The following NFATC2IP variants were observed in gnomAD, a reference collection of about 807,000 sequenced individuals.
The protein encoded by NFATC2IP is NFATC2-interacting protein.
NFATC2IP carries 25 observed loss-of-function variants against 40.2 expected under a neutral mutation model. The observed-to-expected ratio is 0.62, with a 90% CI of 0.45 to 0.87. The LOEUF (loss-of-function observed/expected upper bound fraction) is 0.87. Ranked by LOEUF, NFATC2IP falls within the 40% of genes least tolerant of loss-of-function variation. NFATC2IP has a pLI of 0.00. For missense variants in NFATC2IP, 553 were observed against 555.6 expected, an observed-to-expected ratio of 1.00 and a Z score of 0.05; for synonymous variants, 241 against 236.3, an observed-to-expected ratio of 1.02 and a Z score of -0.18.
chr16:28,959,473 C>T (rs895557689), intron 7 of NFATC2IP, among the ~76,000 whole-genome samples: 28 of 151,948 alleles, frequency 1.8e-4, no homozygotes, highest in African/African-American at 6.8e-4. Flanking sequence ...TTTAATTTCA[C>T]AACAATCTGA....
At chr16:28,963,308 A>G (rs1165849459) in intron 7 of NFATC2IP, among the ~76,000 whole-genome samples, 1 of 152,178 alleles carries the variant, frequency 6.6e-6, no homozygotes, top group African/African-American at 2.4e-5. Context: ...CACATATCTA[A>G]TAGGTGGGAG....
In NFATC2IP at chr16:28,952,118, C is replaced by G; in HGVS notation, c.388-14C>G. 6.2e-7 allele frequency: 1 copy of G among 1,613,864 alleles called. No individual in the cohort carries two copies. ...GACTTGGGCCTGACCCCTCTCCCTTCTTTGTCTTTGCAGGTTAAAAGCAGC... is the reference window on the plus strand; with the variant it reads ...GACTTGGGCCTGACCCCTCTCCCTTGTTTGTCTTTGCAGGTTAAAAGCAGC... On this transcript the variant is annotated splice_polypyrimidine_tract_variant and intron_variant, in intron 1 of 7. Transcript: ENST00000320805.
chr16:28,954,652 A>G lies in NFATC2IP; in HGVS notation c.548A>G (p.Asp183Gly). 6.2e-7 allele frequency: 1 copy of G among 1,613,730 alleles called. No homozygotes were observed. Among genetic ancestry groups the G allele is most frequent in the Non-Finnish European group, 8.5e-7 (1 of 1,179,684 alleles). The stretch of plus-strand genomic sequence containing the variant: ...TGGAAGACAAAGCTGAGGACTAAGG[A>G]TAAAGAAGAGAAGAAAAAGACAGAG... ...SPWKTKLRTK[D>G]KEEKKKTEFL... The change falls in exon 3 of 8, where the codon GAT (aspartate) becomes GGT (glycine). Residue 183 changes from aspartate to glycine, a missense_variant. Asp to Gly is a moderately conservative substitution (Grantham distance 94). Coordinates refer to ENST00000320805, the MANE Select transcript of NFATC2IP (RefSeq NM_032815.4).
rs1964962115 is a variant in NFATC2IP, at chr16:28,951,196, C to T, written c.185C>T (p.Ala62Val). 6.5e-7 allele frequency: 1 copy of T among 1,538,838 alleles called. No individual in the cohort carries two copies. Among genetic ancestry groups the T allele is most frequent in the Non-Finnish European group, 8.8e-7 (1 of 1,140,454 alleles). ...AGCGATGAGGAAATTCTGGAGGTCG[C>T]CACCGCTCGCGGTGCCGCGGACGAG... ...TDSDEEILEV[A>V]TARGAADEVE... is the part of the protein sequence containing the mutation. Residue 62 changes from alanine to valine, a missense_variant, in exon 1 of 8, where the codon GCC becomes GTC. Coordinates refer to ENST00000320805, the MANE Select transcript of NFATC2IP (RefSeq NM_032815.4).
rs1277783785 is a variant in NFATC2IP at position 28,965,710 on chromosome 16, G to GA, written c.*1853dup. The GA allele has an allele frequency of 7.2e-5, 11 of 151,776 alleles. No homozygotes were observed. Among genetic ancestry groups the GA allele is most frequent in the African/African-American group, 1.2e-4 (5 of 41,294 alleles). The allele number at this position is 151,776 out of a possible 1,614,324, so 9.4% of individuals were successfully genotyped here. A position where few individuals can be genotyped will look rare whatever the true frequency, so the allele number is the denominator to read the frequency against. On this transcript the variant is annotated 3_prime_UTR_variant, in exon 8 of 8. Coordinates refer to ENST00000320805, the MANE Select transcript of NFATC2IP (RefSeq NM_032815.4). ...CCACTCAAAAAAAAGATTTAAAGGG[G>GA]AAAAAATTGAAATTTTCTTTGTATC...
rs146797833 is a variant in NFATC2IP at position 28,960,537 on chromosome 16, C to CCT, written c.1101+1452_1101+1453dup. ...GTATGGTCCATTCTGGGACAAAATT[C>CCT]CTCTCTCTCTCTCTCTGCGGACCCG... is the stretch of plus-strand genomic sequence containing the variant. On this transcript the variant is annotated intron_variant, in intron 7 of 7. Transcript: ENST00000320805. 6.7e-4 allele frequency among the ~76,000 whole-genome samples: 100 copies of CCT among 150,268 alleles called. No homozygotes were observed. The East Asian group carries it at 7.0e-3, about 11-fold the overall frequency.
At chr16:28,960,541 T>C (rs1349487652) in intron 7 of NFATC2IP, among the ~76,000 whole-genome samples, 2 of 152,018 alleles carry the variant, frequency 1.3e-5, no homozygotes, top group East Asian at 3.9e-4. Context: ...AAAATTCCTC[T>C]CTCTCTCTCT....
rs1185764401 is a variant in NFATC2IP, at chr16:28,951,249, G to C, written c.238G>C (p.Gly80Arg). 1 of 1,495,098 alleles carries C rather than the reference G, an allele frequency of 6.7e-7. No individual in the cohort carries two copies. Among genetic ancestry groups the C allele is most frequent in the African/African-American group, 1.4e-5 (1 of 70,016 alleles). The allele number at this position is 1,495,098 out of a possible 1,614,324, so 92.6% of individuals were successfully genotyped here. ...TGAGGTGGAGCCCCCGGAGCCCCCG[G>C]GGCCGGTCGCGTCCCGGGATAACAG... Reference protein sequence around the residue: ...EVEVEPPEPPGPVASRDNSNS... With the variant: ...EVEVEPPEPPRPVASRDNSNS... Residue 80 changes from glycine (G) to arginine (R), a missense_variant, in exon 1 of 8, where the codon GGG becomes CGG. Transcript: ENST00000320805.
At chr16:28,957,920 G>T (rs1449029945) in intron 5 of NFATC2IP, 1 of 152,050 alleles carries the variant, frequency 6.6e-6, no homozygotes, top group Non-Finnish European at 1.5e-5. Context: ...ATCACCTGAG[G>T]TCAGGAGTTC....
rs1016721509 is a variant in NFATC2IP at position 28,966,052 on chromosome 16, C to T, written c.*2189C>T. 4 of 143,666 alleles carry T rather than the reference C, an allele frequency of 2.8e-5. No homozygotes were observed. The highest frequency in any genetic ancestry group is 1.0e-4 in the African/African-American group (4 of 39,036). 8.9% of individuals were successfully genotyped at this position (143,666 alleles called of 1,614,324 possible). ...CCTGAGTGACAGAGAGACTTTGTCT[C>T]AAAAAAAAAAGAAAATTTTAATTTT... On this transcript the variant is annotated 3_prime_UTR_variant, in exon 8 of 8. Transcript: ENST00000320805.
intron 5 of NFATC2IP, chr16:28,958,415 T>C (rs1350386791): frequency 2.4e-5 from 7 of 288,720 alleles, no homozygotes; most frequent in African/African-American, 1.5e-4. Context: ...TCCCACACAG[T>C]GCCAATCAGC....
intron 7 of NFATC2IP, among the ~76,000 whole-genome samples, chr16:28,959,550 A>T (rs1965060341): frequency 6.6e-6 from 1 of 151,188 alleles, no homozygotes; most frequent in East Asian, 2.0e-4. Flanking sequence ...AGAGAGGTGG[A>T]ATAAGCAACT....
intron 7 of NFATC2IP, among the ~76,000 whole-genome samples, chr16:28,962,254 CACTT>C (rs556912600): frequency 1.3e-5 from 2 of 152,114 alleles, no homozygotes; most frequent in Non-Finnish European, 2.9e-5. Context: ...CTCAGGGAGA[CACTT>C]ACTTTCATTT....
At chr16:28,956,665 C>T in intron 5 of NFATC2IP, 2 of 251,518 alleles carry the variant, frequency 8.0e-6, no homozygotes, top group South Asian at 1.4e-4. Flanking sequence ...GTGATCGTCC[C>T]TCATTGACCT....
At position 28,951,165 on chromosome 16, in the gene NFATC2IP, A is replaced by G. The variant is rs1411097747; in HGVS notation, c.154A>G (p.Thr52Ala). 2 of 1,543,696 alleles carry G rather than the reference A, an allele frequency of 1.3e-6. No individual in the cohort carries two copies. The highest frequency in any genetic ancestry group is 1.7e-6 in the Non-Finnish European group (2 of 1,143,220). ...TLDVVSVDLV[T>A]DSDEEILEVA... is the part of the protein sequence containing the mutation. ...GGACGTAGTGTCTGTGGACTTGGTC[A>G]CCGACAGCGATGAGGAAATTCTGGA... Residue 52 changes from threonine to alanine, a missense_variant, in exon 1 of 8, where the codon ACC becomes GCC. Physicochemically the swap from Thr to Ala is moderately conservative, Grantham distance 58 (BLOSUM62 0). Coordinates refer to ENST00000320805, the MANE Select transcript of NFATC2IP (RefSeq NM_032815.4).
rs540892366 is a variant in NFATC2IP, at chr16:28,965,866, C to G, written c.*2003C>G. 3.3e-5 allele frequency: 5 copies of G among 151,902 alleles called. No homozygotes were observed. The East Asian group carries it at 9.7e-4, about 29-fold the overall frequency. 9.4% of individuals were successfully genotyped at this position (151,902 alleles called of 1,614,324 possible). A position where few individuals can be genotyped will look rare whatever the true frequency, so the allele number is the denominator to read the frequency against. ...GGCCAGGAGTTCAAGACCACCCTGACCAACTTGGTGAAATCCCATCTCTAC... is the reference window on the plus strand; with the variant it reads ...GGCCAGGAGTTCAAGACCACCCTGAGCAACTTGGTGAAATCCCATCTCTAC... On this transcript the variant is annotated 3_prime_UTR_variant, in exon 8 of 8. Transcript: ENST00000320805.
chr16:28,961,587 C>G (rs1435469126), intron 7 of NFATC2IP, among the ~76,000 whole-genome samples: 1 of 151,730 alleles, frequency 6.6e-6, no homozygotes, highest in Non-Finnish European at 1.5e-5. Flanking sequence ...GGATTTTTTT[C>G]TTTTCTTTTG....
At chr16:28,958,967 G>A in intron 6 of NFATC2IP, 24 bp from the exon 7 acceptor site, 12 of 1,608,132 alleles carry the variant, frequency 7.5e-6, no homozygotes, top group South Asian at 1.1e-5. Flanking sequence ...CTTAGCCCTG[G>A]CTTCCTGATT....
At chr16:28,962,874 T>G (rs541976813) in intron 7 of NFATC2IP, among the ~76,000 whole-genome samples, 2 of 152,300 alleles carry the variant, frequency 1.3e-5, no homozygotes, top group Non-Finnish European at 2.9e-5. Context: ...TCTGTTTCTG[T>G]GTCTGTTCCA....
Sources: allele counts gnomAD v4.1 joint callset (sites outside exome capture counted in the v4.1 genomes callset), GRCh38; gene constraint gnomAD v4.1.1; transcripts MANE v1.5; gene names NCBI Gene and HGNC (gene_info 2026-07-23, HGNC 2026-07-21).